Variants in KIAA1217 observed in about 807,000 individuals in gnomAD.
KIAA1217 encodes the protein sickle tail protein homolog.
KIAA1217 carries 88 observed loss-of-function variants against 163.9 expected under a neutral mutation model. That is an observed-to-expected ratio of 0.54 (90% CI 0.45 to 0.64). KIAA1217 has a LOEUF of 0.64. Ranked by LOEUF, KIAA1217 falls within the 30% of genes least tolerant of loss-of-function variation. The probability of loss-of-function intolerance (pLI) is 0.00; values close to 1 mark genes in which losing one functional copy is unlikely to be tolerated. For synonymous variants in KIAA1217, 903 were observed against 923.1 expected, an observed-to-expected ratio of 0.98 and a Z score of 0.39; for missense variants, 2,372 against 2,475.0, an observed-to-expected ratio of 0.96 and a Z score of 0.88.
At chr10:24,513,217 G>A (rs183359865) in intron 9 of KIAA1217, 42 bp from the exon 10 acceptor site, 3 of 1,597,896 alleles carry the variant, frequency 1.9e-6, no homozygotes, top group East Asian at 4.5e-5. Context: ...CTCCATTTCA[G>A]GCAGGCAGAG....
At chr10:24,507,567 AC>A (rs2068534196) in intron 9 of KIAA1217, among the ~76,000 whole-genome samples, 1 of 152,224 alleles carries the variant, frequency 6.6e-6, no homozygotes, top group South Asian at 2.1e-4. Flanking sequence ...CACCCTAAAA[AC>A]AGCAATGGAA....
intron 1 of KIAA1217, among the ~76,000 whole-genome samples, chr10:23,774,899 G>A (rs1167338182): frequency 6.6e-6 from 1 of 152,148 alleles, no homozygotes; most frequent in Non-Finnish European, 1.5e-5. Flanking sequence ...TATAAGTTTT[G>A]ATCATCATAC....
chr10:24,358,336 C>T (rs538810359), intron 2 of KIAA1217, among the ~76,000 whole-genome samples: 2 of 152,266 alleles, frequency 1.3e-5, no homozygotes, highest in African/African-American at 4.8e-5. Flanking sequence ...GAGTATCTGT[C>T]ACACTTGCAG....
intron 2 of KIAA1217, among the ~76,000 whole-genome samples, chr10:24,083,985 A>C (rs1439411719): frequency 6.6e-6 from 1 of 152,230 alleles, no homozygotes; most frequent in Non-Finnish European, 1.5e-5. Flanking sequence ...GAGAAACCTA[A>C]GAGCTAAGAA....
intron 1 of KIAA1217, among the ~76,000 whole-genome samples, chr10:23,868,029 A>C (rs188858079): frequency 5.8e-4 from 89 of 152,158 alleles, no homozygotes; most frequent in African/African-American, 1.8e-3. Context: ...ATTTTTGTAT[A>C]AGGTGTAAGG....
chr10:23,755,911 C>T (rs577033243), intron 1 of KIAA1217, among the ~76,000 whole-genome samples: 1 of 151,874 alleles, frequency 6.6e-6, no homozygotes, highest in Non-Finnish European at 1.5e-5. Context: ...ATAACCAATA[C>T]CTTTGGTTAT....
intron 2 of KIAA1217, among the ~76,000 whole-genome samples, chr10:24,339,364 A>G (rs150298379): frequency 5.0e-4 from 76 of 152,324 alleles, no homozygotes; most frequent in African/African-American, 1.7e-3. Context: ...ATTAGTTATT[A>G]CTTAATTTCA....
At chr10:23,711,231 A>G (rs1014469315) in intron 1 of KIAA1217, among the ~76,000 whole-genome samples, 4 of 152,150 alleles carry the variant, frequency 2.6e-5, no homozygotes, top group African/African-American at 7.2e-5. Flanking sequence ...TCTAATTCCT[A>G]AAAGCTGTGG....
At chr10:23,832,910 T>C (rs1451738130) in intron 1 of KIAA1217, among the ~76,000 whole-genome samples, 3 of 151,934 alleles carry the variant, frequency 2.0e-5, no homozygotes, top group African/African-American at 7.3e-5. Flanking sequence ...GCAGGAAAAC[T>C]CCCTTTTTGA....
At chr10:24,041,563 T>A (rs1268057911) in intron 2 of KIAA1217, among the ~76,000 whole-genome samples, 2 of 152,058 alleles carry the variant, frequency 1.3e-5, no homozygotes, top group Non-Finnish European at 2.9e-5. Flanking sequence ...CCATAACACA[T>A]CACACAGACA....
chr10:23,938,595 A>G (rs898769667), intron 1 of KIAA1217, among the ~76,000 whole-genome samples: 1 of 152,222 alleles, frequency 6.6e-6, no homozygotes, highest in Non-Finnish European at 1.5e-5. Context: ...TTTATATACA[A>G]TGTAGCATAA....
At chr10:24,344,271 G>A (rs2047452634) in intron 2 of KIAA1217, among the ~76,000 whole-genome samples, 1 of 152,198 alleles carries the variant, frequency 6.6e-6, no homozygotes, top group Admixed American at 6.5e-5. Flanking sequence ...TTCTGGGACA[G>A]CGTTCAATAA....
intron 1 of KIAA1217, among the ~76,000 whole-genome samples, chr10:23,830,254 G>C (rs954914426): frequency 2.6e-5 from 4 of 152,112 alleles, no homozygotes; most frequent in Non-Finnish European, 4.4e-5. Context: ...TTTGTTTGGG[G>C]ATAGAATGTT....
At chr10:23,699,566 C>G (rs1836284770) in intron 1 of KIAA1217, among the ~76,000 whole-genome samples, 1 of 152,200 alleles carries the variant, frequency 6.6e-6, no homozygotes, top group African/African-American at 2.4e-5. Context: ...AACCCTGTCT[C>G]TCCCCACCTA....
At chr10:24,021,373 C>T (rs1388854259) in intron 2 of KIAA1217, among the ~76,000 whole-genome samples, 2 of 151,856 alleles carry the variant, frequency 1.3e-5, no homozygotes, top group Non-Finnish European at 2.9e-5. Context: ...AAAATCAATA[C>T]TTTAGGTATA....
intron 10 of KIAA1217, among the ~76,000 whole-genome samples, chr10:24,518,524 T>C (rs2070564090): frequency 6.6e-6 from 1 of 152,172 alleles, no homozygotes; most frequent in Non-Finnish European, 1.5e-5. Context: ...CTCCTTGAAG[T>C]ATTAATTACG....
At chr10:24,394,453 TG>T (rs200900396) in intron 3 of KIAA1217, among the ~76,000 whole-genome samples, 1 of 142,476 alleles carries the variant, frequency 7.0e-6, no homozygotes, top group African/African-American at 2.9e-5. Flanking sequence ...GGTTTTGTTT[TG>T]TTTTTTTTTA....
At chr10:24,521,386 A>T (rs1307197466) in intron 11 of KIAA1217, among the ~76,000 whole-genome samples, 2 of 152,046 alleles carry the variant, frequency 1.3e-5, no homozygotes, top group Non-Finnish European at 2.9e-5. Flanking sequence ...GCACCTAAAT[A>T]GTCCCAGCTA....
rs117063654 is a variant in KIAA1217 at position 24,174,410 on chromosome 10, G to T, written c.-170-45216G>T. Among the ~76,000 whole-genome samples the T allele has an allele frequency of 6.6e-4, 100 of 152,266 alleles. 2 individuals are homozygous for T. In the East Asian group the frequency reaches 0.012, roughly 18 times the overall value. On this transcript the variant is annotated intron_variant, in intron 2 of 18. Transcript: ENST00000376462. ...TTTTTCCCATCCAAACTATGTGCAC[G>T]TATGTGCATGCTTGTGGACACACAC...
Sources: gnomAD v4.1 joint callset for allele counts (sites outside exome capture counted in the v4.1 genomes callset) on GRCh38, gnomAD v4.1.1 for gene constraint, MANE v1.5 for transcripts, NCBI Gene and HGNC (gene_info 2026-07-23, HGNC 2026-07-21) for gene names.